Variants in GC observed in about 807,000 individuals in gnomAD.
The protein encoded by GC is vitamin D-binding protein.
Under a neutral mutation model 56.7 loss-of-function variants are expected in GC, and 43 were observed. The observed-to-expected ratio is 0.76, with a 90% CI of 0.59 to 0.98. The LOEUF (loss-of-function observed/expected upper bound fraction) is 0.98, where lower values mean the gene tolerates loss of function less well. GC is among the 50% of genes least tolerant of loss of function. The pLI is 0.00. For synonymous variants in GC, 216 were observed against 202.7 expected (o/e 1.07, Z -0.56); for missense variants, 529 against 545.9 (o/e 0.97, Z 0.31).
At chr4:71,798,858 A>G (rs543348685) in intron 1 of GC, among the ~76,000 whole-genome samples, 8 of 152,112 alleles carry the variant, frequency 5.3e-5, no homozygotes, top group East Asian at 3.9e-4. Flanking sequence ...TTTATTCTCA[A>G]TACCTTATTA....
rs141168443 is a variant in GC at position 71,767,597 on chromosome 4, G to C, written c.261+704C>G. Among the ~76,000 whole-genome samples, 157 of 146,576 alleles carry C rather than the reference G, an allele frequency of 1.1e-3. 1 individual carries two copies. Among genetic ancestry groups the C allele is most frequent in the African/African-American group, 3.7e-3 (147 of 39,892 alleles). The stretch of plus-strand genomic sequence containing the variant: ...CAATATTTTAGAATTCTTTCAAGAG[G>C]TTCATGAGCTGATATATATATATAT... On this transcript the variant is annotated intron_variant, in intron 3 of 12. Transcript: ENST00000273951.
chr4:71,779,760 A>G (rs190949190), intron 1 of GC, among the ~76,000 whole-genome samples: 68 of 151,938 alleles, frequency 4.5e-4, no homozygotes, highest in Admixed American at 3.3e-3. Flanking sequence ...ATTGCACCTG[A>G]TATCAGTAAG....
At chr4:71,750,872 G>C (rs79176822) in intron 11 of GC, among the ~76,000 whole-genome samples, 7,945 of 145,288 alleles carry the variant, frequency 0.055, 451 homozygotes, top group African/African-American at 0.15. Flanking sequence ...GTGACAGAAC[G>C]GGACTTCATC....
At chr4:71,741,973 A>G in intron 12 of GC, 103 bp from the exon 13 acceptor site, 1 of 693,806 alleles carries the variant, frequency 1.4e-6, no homozygotes, top group Non-Finnish European at 2.6e-6. Flanking sequence ...CTATTTTAAT[A>G]TTTATGCCAA....
In GC at chr4:71,768,435, T is replaced by C. The variant is rs112662466; in HGVS notation, c.129-2A>G. The C allele has an allele frequency of 3.1e-6, 5 of 1,599,712 alleles. No homozygotes were observed. The East Asian group carries it at 1.1e-4, about 36-fold the overall frequency. ...TTTCTACTGTACAGGACTAGTGACC[T>C]GAGGGGAAAATAAGACAATATATCA... is the stretch of plus-strand genomic sequence containing the variant. On this transcript the variant is annotated splice_acceptor_variant, in intron 2 of 12. Coordinates refer to ENST00000273951, the MANE Select transcript of GC (RefSeq NM_000583.4). LOFTEE classifies it high-confidence loss of function.
rs554395466 is a variant in GC at position 71,750,548 on chromosome 4, T to C, written c.1395+1970A>G. 3.3e-4 allele frequency among the ~76,000 whole-genome samples: 50 copies of C among 152,302 alleles called. No homozygotes were observed. In the South Asian group the frequency reaches 7.9e-3, roughly 24 times the overall value. On this transcript the variant is annotated intron_variant, in intron 11 of 12. Transcript: ENST00000273951. ...CTTTATTGCTTTCGTGGCTGATAAATGAACAAAACTTCAGGTAAATTCTTA... is the reference window on the plus strand; with the variant it reads ...CTTTATTGCTTTCGTGGCTGATAAACGAACAAAACTTCAGGTAAATTCTTA...
chr4:71,784,899 G>C (rs1361929758), upstream of GC, among the ~76,000 whole-genome samples: 3 of 151,656 alleles, frequency 2.0e-5, no homozygotes, highest in Non-Finnish European at 3.0e-5. Context: ...TCATTTTACA[G>C]AAGAGTGAAC....
chr4:71,804,044 A>G (rs999897715), upstream of GC: 40 of 791,294 alleles, frequency 5.1e-5, no homozygotes, highest in Non-Finnish European at 1.9e-5. Context: ...AAAACAGTGA[A>G]AAGAGCATCA....
At chr4:71,799,889 G>A (rs1016439057) in intron 1 of GC, among the ~76,000 whole-genome samples, 3 of 152,162 alleles carry the variant, frequency 2.0e-5, no homozygotes, top group Non-Finnish European at 4.4e-5. Flanking sequence ...ACACAGCTGT[G>A]AGGAGCCCTC....
At chr4:71,755,431 G>C (rs2149296342) in intron 8 of GC, among the ~76,000 whole-genome samples, 1 of 152,156 alleles carries the variant, frequency 6.6e-6, no homozygotes, top group African/African-American at 2.4e-5. Context: ...CCAAAGTGCT[G>C]GGATTAGATG....
rs546482612 is a variant in GC at position 71,755,753 on chromosome 4, T to C, written c.1035-646A>G. Among the ~76,000 whole-genome samples, 70 of 152,372 alleles carry C rather than the reference T, an allele frequency of 4.6e-4. 1 individual carries two copies. In the South Asian group the frequency reaches 0.014, roughly 30 times the overall value. On this transcript the variant is annotated intron_variant, in intron 8 of 12. Transcript: ENST00000273951. ...AATGCAATTGACTCTGTATAAAGCATCAAGTGGATACTTCAAAAGGCTTTT... is the reference window on the plus strand; with the variant it reads ...AATGCAATTGACTCTGTATAAAGCACCAAGTGGATACTTCAAAAGGCTTTT...
At chr4:71,780,365 A>G (rs931962475) in intron 1 of GC, among the ~76,000 whole-genome samples, 16 of 152,174 alleles carry the variant, frequency 1.1e-4, no homozygotes, top group Non-Finnish European at 1.8e-4. Flanking sequence ...AAAGGCAACA[A>G]AAGCCAAAAT....
At chr4:71,775,097 C>A (rs936858329) in intron 1 of GC, among the ~76,000 whole-genome samples, 2 of 147,916 alleles carry the variant, frequency 1.4e-5, no homozygotes, top group South Asian at 2.1e-4. Context: ...GAAAGGTGAG[C>A]AGATTGGTTG....
Position 71,754,409 on chromosome 4 carries a change from A to T in GC, c.1262+2T>A. 1 of 1,385,750 alleles carries T rather than the reference A, an allele frequency of 7.2e-7. No homozygotes were observed. Among genetic ancestry groups the T allele is most frequent in the African/African-American group, 1.4e-5 (1 of 69,862 alleles). The allele number at this position is 1,385,750 out of a possible 1,614,324, so 85.8% of individuals were successfully genotyped here. A position where few individuals can be genotyped will look rare whatever the true frequency, so the allele number is the denominator to read the frequency against. ...AGGATACAGCCAGAACAAGTTTCTT[A>T]CTTTTTCTTGTACTCAGTAAATGTA... On this transcript the variant is annotated splice_donor_variant, in intron 10 of 12. Coordinates refer to ENST00000273951, the MANE Select transcript of GC (RefSeq NM_000583.4). LOFTEE classifies it high-confidence loss of function.
At chr4:71,756,012 CT>C (rs1360239524) in intron 8 of GC, among the ~76,000 whole-genome samples, 1 of 151,978 alleles carries the variant, frequency 6.6e-6, no homozygotes, top group Non-Finnish European at 1.5e-5. Context: ...TTTTAACTTA[CT>C]TTTTTTTAGT....
At chr4:71,784,080 AGC>A, upstream of GC, 2 of 1,551,616 alleles carry the variant, frequency 1.3e-6, no homozygotes, top group South Asian at 2.5e-5. Flanking sequence ...TAAAAGTGGT[AGC>A]CAAAAGTAAT....
At chr4:71,780,128 T>A (rs1742626759) in intron 1 of GC, among the ~76,000 whole-genome samples, 2 of 152,028 alleles carry the variant, frequency 1.3e-5, no homozygotes, top group South Asian at 4.1e-4. Context: ...AAACAAGAAA[T>A]GGAGAAAGGA....
chr4:71,777,214 C>T (rs1405235632), intron 1 of GC, among the ~76,000 whole-genome samples: 3 of 151,160 alleles, frequency 2.0e-5, no homozygotes, highest in Non-Finnish European at 4.4e-5. Flanking sequence ...CTTATTAAAT[C>T]CCAGTAAGAA....
intron 1 of GC, among the ~76,000 whole-genome samples, chr4:71,797,465 C>G (rs1052601448): frequency 2.6e-5 from 4 of 152,264 alleles, no homozygotes. Context: ...TAGCAGTGAG[C>G]AAGGCTCCAT....
Sources: allele counts gnomAD v4.1 joint callset (sites outside exome capture counted in the v4.1 genomes callset), GRCh38; gene constraint gnomAD v4.1.1; transcripts MANE v1.5; gene names NCBI Gene and HGNC (gene_info 2026-07-23, HGNC 2026-07-21).